COL25A1: variants seen among roughly 807,000 people sequenced by gnomAD.
COL25A1 encodes the protein collagen alpha-1(XXV) chain.
A neutral mutation model predicts 128.4 loss-of-function variants in COL25A1; 103 were observed. That is an observed-to-expected ratio of 0.80 (90% CI 0.68 to 0.94). The LOEUF is 0.94. Ranked by LOEUF, COL25A1 falls within the 40% of genes least tolerant of loss-of-function variation. The pLI is 0.00. For synonymous variants in COL25A1, 279 were observed against 277.2 expected, an observed-to-expected ratio of 1.01 and a Z score of -0.06; for missense variants, 745 against 840.0, an observed-to-expected ratio of 0.89 and a Z score of 1.40.
At chr4:109,073,772 A>T (rs1215053133) in intron 3 of COL25A1, among the ~76,000 whole-genome samples, 1 of 152,226 alleles carries the variant, frequency 6.6e-6, no homozygotes, top group Non-Finnish European at 1.5e-5. Context: ...TTATTTTGCC[A>T]AATTCTACTA....
Position 108,974,522 on chromosome 4 carries a change from C to A in COL25A1, c.465+11G>T, listed in dbSNP as rs779103890. The A allele has an allele frequency of 3.1e-6, 5 of 1,610,042 alleles. No homozygotes were observed. Among genetic ancestry groups the A allele is most frequent in the Middle Eastern group, 1.6e-4 (1 of 6,066 alleles). The stretch of plus-strand genomic sequence containing the variant: ...CTTCACTAACTTTATTTCTGGTATG[C>A]ATTTTCTTACCTTATCGCCTTTTGG... On this transcript the variant is annotated intron_variant, in intron 7 of 37. Coordinates refer to ENST00000399132, the MANE Select transcript of COL25A1 (RefSeq NM_198721.4).
rs867199991 is a variant in COL25A1 at position 109,202,133 on chromosome 4, T to C, written c.367+98450A>G. On this transcript the variant is annotated intron_variant, in intron 3 of 37. Transcript: ENST00000399132. ...ACTGACAAACTAAATCTGAAGTTTA[T>C]ATGAAAGGGCCAAAGACCCAGAATA... Among the ~76,000 whole-genome samples the C allele has an allele frequency of 1.6e-4, 24 of 152,244 alleles. No individual in the cohort carries two copies. In the Middle Eastern group the frequency reaches 0.024, roughly 151 times the overall value.
chr4:109,060,221 C>T (rs944273529), intron 3 of COL25A1, among the ~76,000 whole-genome samples: 11 of 152,236 alleles, frequency 7.2e-5, no homozygotes, highest in Non-Finnish European at 1.6e-4. Flanking sequence ...GACACAGCAT[C>T]TGTGCCAGTA....
At chr4:108,878,761 C>G (rs1281185691) in intron 19 of COL25A1, among the ~76,000 whole-genome samples, 3 of 152,026 alleles carry the variant, frequency 2.0e-5, no homozygotes, top group Non-Finnish European at 1.5e-5. Flanking sequence ...TGGCTTACAT[C>G]ATGAAAGCAT....
intron 3 of COL25A1, among the ~76,000 whole-genome samples, chr4:109,081,934 C>T (rs1382020587): frequency 6.6e-6 from 1 of 152,082 alleles, no homozygotes; most frequent in Non-Finnish European, 1.5e-5. Context: ...GAACTCCTGA[C>T]CTTAGGTAAT....
At chr4:108,907,490 C>A (rs1335663655) in intron 13 of COL25A1, among the ~76,000 whole-genome samples, 1 of 152,168 alleles carries the variant, frequency 6.6e-6, no homozygotes, top group African/African-American at 2.4e-5. Context: ...TCAGAATTTA[C>A]ACAAGTGTCA....
At chr4:108,913,592 G>C (rs1744522185) in intron 13 of COL25A1, among the ~76,000 whole-genome samples, 1 of 151,946 alleles carries the variant, frequency 6.6e-6, no homozygotes, top group Admixed American at 6.6e-5. Flanking sequence ...GCACAGTGTT[G>C]GGCACTAACT....
intron 3 of COL25A1, among the ~76,000 whole-genome samples, chr4:109,103,030 A>T (rs1212196285): frequency 1.3e-5 from 2 of 152,152 alleles, no homozygotes; most frequent in Non-Finnish European, 2.9e-5. Context: ...TAGTTTGGTG[A>T]TTGCACTTAC....
rs1302962942 is a variant in COL25A1, at chr4:109,300,773, C to T, written c.298-121G>A. On this transcript the variant is annotated intron_variant, in intron 2 of 37. Coordinates refer to ENST00000399132, the MANE Select transcript of COL25A1 (RefSeq NM_198721.4). ...TCATAACCTGCATAACTAACATTTACATATGTACTTGGACTCTAGTCAAGA... is the reference window on the plus strand; with the variant it reads ...TCATAACCTGCATAACTAACATTTATATATGTACTTGGACTCTAGTCAAGA... 1.3e-5 allele frequency: 9 copies of T among 674,460 alleles called. No homozygotes were observed. In the Middle Eastern group the frequency reaches 7.4e-4, roughly 56 times the overall value. 41.8% of individuals were successfully genotyped at this position (674,460 alleles called of 1,614,324 possible).
At chr4:109,180,470 T>C (rs967349674) in intron 3 of COL25A1, among the ~76,000 whole-genome samples, 1 of 152,146 alleles carries the variant, frequency 6.6e-6, no homozygotes, top group Admixed American at 6.5e-5. Context: ...TTGCTTCTGT[T>C]TTCTAGTCTG....
chr4:109,275,614 A>T (rs1305908218), intron 3 of COL25A1, among the ~76,000 whole-genome samples: 1 of 152,200 alleles, frequency 6.6e-6, no homozygotes, highest in East Asian at 1.9e-4. Flanking sequence ...TCACTTGGAA[A>T]CAAGTGCTCT....
At position 109,302,155 on chromosome 4, in the gene COL25A1, G is replaced by C; in HGVS notation, c.-57+14C>G. On this transcript the variant is annotated intron_variant, in intron 1 of 37. Coordinates refer to ENST00000399132, the MANE Select transcript of COL25A1 (RefSeq NM_198721.4). ...AACTAGTTGGTGGAGTCAAGCCCAC[G>C]AGCGGATACGGACCCCTGCCTTGCT... is the stretch of plus-strand genomic sequence containing the variant. 5 of 1,163,222 alleles carry C rather than the reference G, an allele frequency of 4.3e-6. No individual in the cohort carries two copies. Among genetic ancestry groups the C allele is most frequent in the Non-Finnish European group, 4.7e-6 (4 of 852,426 alleles). The allele number at this position is 1,163,222 out of a possible 1,614,324, so 72.1% of individuals were successfully genotyped here. A position where few individuals can be genotyped will look rare whatever the true frequency, so the allele number is the denominator to read the frequency against.
At chr4:108,926,740 T>C (rs1746102886) in intron 11 of COL25A1, among the ~76,000 whole-genome samples, 1 of 151,868 alleles carries the variant, frequency 6.6e-6, no homozygotes, top group Non-Finnish European at 1.5e-5. Flanking sequence ...TTAAGATGCA[T>C]GTATATAAAA....
At chr4:109,018,560 T>C (rs574410222) in intron 5 of COL25A1, among the ~76,000 whole-genome samples, 5 of 152,188 alleles carry the variant, frequency 3.3e-5, no homozygotes, top group Non-Finnish European at 7.3e-5. Context: ...TTACAAGAGT[T>C]GCAGTTTGAC....
chr4:108,989,119 T>C (rs914164148), intron 6 of COL25A1, among the ~76,000 whole-genome samples: 15 of 152,240 alleles, frequency 9.9e-5, no homozygotes, highest in Admixed American at 2.6e-4. Flanking sequence ...GTAAACTGCA[T>C]GCACTTTATT....
At chr4:109,239,542 T>A (rs1470574855) in intron 3 of COL25A1, among the ~76,000 whole-genome samples, 1 of 151,064 alleles carries the variant, frequency 6.6e-6, no homozygotes, top group Non-Finnish European at 1.5e-5. Context: ...AGTAAAAATA[T>A]AGTATAAAAT....
intron 5 of COL25A1, among the ~76,000 whole-genome samples, chr4:109,021,095 A>C (rs778253331): frequency 2.6e-5 from 4 of 152,230 alleles, no homozygotes; most frequent in Non-Finnish European, 1.5e-5. Flanking sequence ...GTAAACAACC[A>C]ATACTCTACT....
chr4:109,083,448 ATTTTTTTTTTTTTTTT>A (rs60165291), intron 3 of COL25A1, among the ~76,000 whole-genome samples: 5 of 77,010 alleles, frequency 6.5e-5, no homozygotes, highest in Non-Finnish European at 4.9e-5. Context: ...CACTAAATAA[ATTTTTTTTTTTTTTTT>A]TTTTTTTTTT....
chr4:108,842,487 G>A (rs1040484226), intron 30 of COL25A1, among the ~76,000 whole-genome samples: 16 of 152,128 alleles, frequency 1.1e-4, no homozygotes, highest in Admixed American at 3.9e-4. Context: ...AACCTTTCAA[G>A]TGATTTAAAC....
Sources: gnomAD v4.1 joint callset for allele counts (sites outside exome capture counted in the v4.1 genomes callset) on GRCh38, gnomAD v4.1.1 for gene constraint, MANE v1.5 for transcripts, NCBI Gene and HGNC (gene_info 2026-07-23, HGNC 2026-07-21) for gene names.